The following DAPK3 variants were observed in gnomAD, a reference collection of about 807,000 sequenced individuals.
DAPK3 encodes death associated protein kinase 3.
A neutral mutation model predicts 30.6 loss-of-function variants in DAPK3; 24 were observed. The observed-to-expected ratio is 0.78, with a 90% CI of 0.57 to 1.10. The LOEUF is 1.10. DAPK3 is among the 50% of genes least tolerant of loss of function. DAPK3 has a pLI of 0.00. For missense variants in DAPK3, 629 were observed against 657.3 expected, an observed-to-expected ratio of 0.96 and a Z score of 0.47; for synonymous variants, 341 against 284.0, an observed-to-expected ratio of 1.20 and a Z score of -2.02.
rs760183512 is a variant in DAPK3, at chr19:3,964,949, C to T, written c.105G>A (p.Thr35=). The T allele has an allele frequency of 3.1e-6, 5 of 1,611,620 alleles. No homozygotes were observed. Among genetic ancestry groups the T allele is most frequent in the East Asian group, 2.2e-5 (1 of 44,828 alleles). Residue 35 remains threonine, a synonymous_variant, in exon 3 of 9, where the codon ACG becomes ACA. Transcript: ENST00000545797. ...AIVRKCRQKG[T]GKEYAAKFIK... ...TGAACTTGGCTGCGTACTCCTTGCC[C>T]GTGCCCTTCTGCCGGCACTTCCGCA...
chr19:3,971,048 G>GCGCCGCCGCGCTGGC lies in DAPK3; in HGVS notation c.-237_-223dup, dbSNP rs1555683127. On this transcript the variant is annotated 5_prime_UTR_variant, in exon 1 of 9. Transcript: ENST00000545797. The stretch of plus-strand genomic sequence containing the variant: ...CTCCGCAGCCCGGAGAATACGGCCG[G>GCGCCGCCGCGCTGGC]CGCCGCCGCGCTGGCCACCGCCGCC... 11 of 154,048 alleles carry GCGCCGCCGCGCTGGC rather than the reference G, an allele frequency of 7.1e-5. No individual in the cohort carries two copies. The highest frequency in any genetic ancestry group is 3.9e-4 in the Admixed American group (6 of 15,248). The allele number at this position is 154,048 out of a possible 1,614,324, so 9.5% of individuals were successfully genotyped here.
rs1277686561 is a variant in DAPK3 at position 3,960,991 on chromosome 19, C to T, written c.782+18G>A. ...GTGTCCCATGTCCCACCCCGTGCCC[C>T]CTGCCGGCCCCTCGTACTTGGGATC... On this transcript the variant is annotated intron_variant, in intron 7 of 8. Coordinates refer to ENST00000545797, the MANE Select transcript of DAPK3 (RefSeq NM_001348.3). The T allele has an allele frequency of 6.2e-7, 1 of 1,612,078 alleles. No homozygotes were observed. Among genetic ancestry groups the T allele is most frequent in the Non-Finnish European group, 8.5e-7 (1 of 1,179,132 alleles).
At position 3,958,645 on chromosome 19, in the gene DAPK3, G is replaced by C. The variant is rs1290124197; in HGVS notation, c.*456C>G. 2.6e-6 allele frequency: 1 copy of C among 390,744 alleles called. No individual in the cohort carries two copies. Among genetic ancestry groups the C allele is most frequent in the Non-Finnish European group, 5.1e-6 (1 of 196,504 alleles). 24.2% of individuals were successfully genotyped at this position (390,744 alleles called of 1,614,324 possible). ...GGCGCCACCCAGCAGCGTGGGGACT[G>C]CCTGTCCGCCGTCCATCCCACCCTC... is the stretch of plus-strand genomic sequence containing the variant. On this transcript the variant is annotated 3_prime_UTR_variant, in exon 9 of 9. Transcript: ENST00000545797.
intron 5 of DAPK3, 35 bp downstream of exon 5, chr19:3,963,836 C>A: frequency 1.4e-6 from 2 of 1,472,366 alleles, no homozygotes; most frequent in Non-Finnish European, 1.9e-6. Flanking sequence ...TCCAGGAATG[C>A]AGGGAGGCCC....
In DAPK3 at chr19:3,961,128, G is replaced by A; in HGVS notation, c.663C>T (p.Thr221=). The change falls in exon 7 of 9, where the codon ACC becomes ACT. Residue 221 remains threonine, a synonymous_variant. Coordinates refer to ENST00000545797, the MANE Select transcript of DAPK3 (RefSeq NM_001348.3). ...LSGASPFLGE[T]KQETLTNISA... is the part of the protein sequence containing the mutation. ...AGATGTTGGTGAGCGTCTCCTGCTT[G>A]GTCTCGCCCAGGAACGGGGATGCAC... 1.2e-6 allele frequency: 2 copies of A among 1,613,302 alleles called. No homozygotes were observed. Among genetic ancestry groups the A allele is most frequent in the Non-Finnish European group, 8.5e-7 (1 of 1,179,748 alleles).
chr19:3,965,725 T>A (rs1028113374), intron 2 of DAPK3, among the ~76,000 whole-genome samples: 2 of 151,958 alleles, frequency 1.3e-5, no homozygotes, highest in African/African-American at 4.8e-5. Flanking sequence ...AATGCAGTGG[T>A]TCAGTCATGG....
chr19:3,959,560 C>T lies in DAPK3; in HGVS notation c.906G>A (p.Leu302=). 6.3e-7 allele frequency: 1 copy of T among 1,582,534 alleles called. No individual in the cohort carries two copies. Among genetic ancestry groups the T allele is most frequent in the Non-Finnish European group, 8.5e-7 (1 of 1,173,234 alleles). ...AGTGCGACTTGATGGTGTACTCCTT[C>T]AGACGCGTGGTCTTCAGGCGCCGCC... The part of the protein sequence containing the change: ...PERRRLKTTR[L]KEYTIKSHSS... Residue 302 remains leucine, a synonymous_variant, in exon 9 of 9, where the codon CTG becomes CTA. Transcript: ENST00000545797.
chr19:3,968,473 A>C (rs1321056151), intron 2 of DAPK3, among the ~76,000 whole-genome samples: 1 of 152,050 alleles, frequency 6.6e-6, no homozygotes, highest in African/African-American at 2.4e-5. Context: ...AGATAGTGTC[A>C]AGGAAAAAAA....
intron 6 of DAPK3, 130 bp from the exon 7 acceptor site, chr19:3,961,291 C>A: frequency 1.3e-6 from 1 of 777,728 alleles, no homozygotes; most frequent in South Asian, 1.5e-5. Flanking sequence ...ACTCACACTC[C>A]TGAGCCCTTA....
chr19:3,963,686 G>A lies in DAPK3; in HGVS notation c.603-17C>T. ...CCGATGCTCCTGGGGACAGACAAGA[G>A]GCAAGGGTCAGCGCAGCGTGGGGCC... is the stretch of plus-strand genomic sequence containing the variant. On this transcript the variant is annotated splice_polypyrimidine_tract_variant and intron_variant, in intron 5 of 8. Coordinates refer to ENST00000545797, the MANE Select transcript of DAPK3 (RefSeq NM_001348.3). 1 of 1,534,234 alleles carries A rather than the reference G, an allele frequency of 6.5e-7. No individual in the cohort carries two copies.
rs776168606 is a variant in DAPK3 at position 3,963,644 on chromosome 19, G to C, written c.628C>G (p.Leu210Val). ...MWSIGVITYI[L>V]LSGASPFLGE... ...AGGGGGCCCCCGCCAGGTACTCACA[G>C]GATATAGGTGATGACACCGATGCTC... is the stretch of plus-strand genomic sequence containing the variant. Residue 210 changes from leucine to valine, a missense_variant and splice_region_variant, in exon 6 of 9, where the codon CTC becomes GTC. By Grantham distance (32) the Leu-to-Val change is conservative. This residue lies in a region of DAPK3 where 306 missense variants were observed against 378.5 expected (regional missense o/e 0.81). Coordinates refer to ENST00000545797, the MANE Select transcript of DAPK3 (RefSeq NM_001348.3). 1.3e-6 allele frequency: 2 copies of C among 1,534,154 alleles called. No individual in the cohort carries two copies. Among genetic ancestry groups the C allele is most frequent in the Non-Finnish European group, 1.8e-6 (2 of 1,142,628 alleles).
intron 6 of DAPK3, 128 bp downstream of exon 6, chr19:3,963,515 T>C: frequency 3.5e-6 from 2 of 570,450 alleles, no homozygotes; most frequent in Non-Finnish European, 6.3e-6. Flanking sequence ...GTTCACCCGG[T>C]ATCCCCTGAG....
chr19:3,963,972 G>C, intron 4 of DAPK3, 53 bp from the exon 5 acceptor site: 1 of 1,198,416 alleles, frequency 8.3e-7, no homozygotes, highest in Non-Finnish European at 1.2e-6. Context: ...GGCCAAGGAA[G>C]AGGCTCAAGA....
chr19:3,965,916 G>A (rs1449693636), intron 2 of DAPK3, among the ~76,000 whole-genome samples: 1 of 151,946 alleles, frequency 6.6e-6, no homozygotes, highest in Non-Finnish European at 1.5e-5. Context: ...TCCCTCCCAA[G>A]TAGGTGGGAC....
chr19:3,965,736 C>T (rs2039571630), intron 2 of DAPK3, among the ~76,000 whole-genome samples: 1 of 152,056 alleles, frequency 6.6e-6, no homozygotes, highest in Non-Finnish European at 1.5e-5. Context: ...TCAGTCATGG[C>T]TCACTGCAGC....
chr19:3,959,097 G>A lies in DAPK3; in HGVS notation c.*4C>T, dbSNP rs745790356. On this transcript the variant is annotated 3_prime_UTR_variant, in exon 9 of 9. Coordinates refer to ENST00000545797, the MANE Select transcript of DAPK3 (RefSeq NM_001348.3). ...GTCCTGGGGCCTGGCCCACCCCACT[G>A]CGCCTAGCGCAGCCCGCACTCCACG... 1.3e-6 allele frequency: 2 copies of A among 1,511,636 alleles called. No individual in the cohort carries two copies. The highest frequency in any genetic ancestry group is 1.2e-5 in the South Asian group (1 of 80,072). 93.6% of individuals were successfully genotyped at this position (1,511,636 alleles called of 1,614,324 possible). A position where few individuals can be genotyped will look rare whatever the true frequency, so the allele number is the denominator to read the frequency against.
In DAPK3 at chr19:3,963,949, C is replaced by A. The variant is rs757371947; in HGVS notation, c.554-30G>T. 1.4e-5 allele frequency: 20 copies of A among 1,478,650 alleles called. No individual in the cohort carries two copies. In the Admixed American group the frequency reaches 3.3e-4, roughly 24 times the overall value. 91.6% of individuals were successfully genotyped at this position (1,478,650 alleles called of 1,614,324 possible). On this transcript the variant is annotated intron_variant, in intron 4 of 8. Transcript: ENST00000545797. ...AGAACAGGGAGATGTGGGTCAGGCA[C>A]TGGGGACATGCTGGCCAAGGAAGAG...
At position 3,969,953 on chromosome 19, in the gene DAPK3, G is replaced by A. The variant is rs1036564138; in HGVS notation, c.-94-124C>T. 7.1e-6 allele frequency: 4 copies of A among 567,290 alleles called. No homozygotes were observed. The Admixed American group carries it at 1.3e-4, about 18-fold the overall frequency. The allele number at this position is 567,290 out of a possible 1,614,324, so 35.1% of individuals were successfully genotyped here. On this transcript the variant is annotated intron_variant, in intron 1 of 8. Coordinates refer to ENST00000545797, the MANE Select transcript of DAPK3 (RefSeq NM_001348.3). ...CTCTCCACTCTGAAGCTCCAAACTCGACAAAAAGAGGTGCTGTGTTTACTG... is the reference window on the plus strand; with the variant it reads ...CTCTCCACTCTGAAGCTCCAAACTCAACAAAAAGAGGTGCTGTGTTTACTG...
intron 3 of DAPK3, 80 bp downstream of exon 3, chr19:3,964,551 G>A (rs1444544366): frequency 3.5e-6 from 5 of 1,420,864 alleles, no homozygotes; most frequent in Non-Finnish European, 4.7e-6. Context: ...ACGCGCAGGA[G>A]GTGCCTTCCA....
Sources: gnomAD v4.1 joint callset for allele counts (sites outside exome capture counted in the v4.1 genomes callset) on GRCh38, gnomAD v4.1.1 for gene constraint, gnomAD v4.1.1 regional missense constraint, MANE v1.5 for transcripts, NCBI Gene and HGNC (gene_info 2026-07-23, HGNC 2026-07-21) for gene names.